Variants in PRR5L observed in about 807,000 individuals in gnomAD.
The protein encoded by PRR5L is proline-rich protein 5-like.
In PRR5L, 21 loss-of-function variants were observed where a neutral mutation model predicts 36.4. The observed-to-expected ratio is 0.58, with a 90% CI of 0.41 to 0.83. PRR5L has a LOEUF of 0.83. Ranked by LOEUF, PRR5L falls within the 40% of genes least tolerant of loss-of-function variation. PRR5L has a pLI of 0.00. For synonymous variants in PRR5L, 188 were observed against 197.0 expected (o/e 0.95, Z 0.38); for missense variants, 381 against 473.3 (o/e 0.80, Z 1.81).
At chr11:36,444,671 T>C (rs950247057) in intron 6 of PRR5L, among the ~76,000 whole-genome samples, 1 of 152,236 alleles carries the variant, frequency 6.6e-6, no homozygotes, top group African/African-American at 2.4e-5. Context: ...CCTTTTGCTT[T>C]GCAGTCTTTC....
intron 1 of PRR5L, among the ~76,000 whole-genome samples, chr11:36,373,128 G>A (rs1240097113): frequency 6.6e-6 from 1 of 152,106 alleles, no homozygotes; most frequent in Admixed American, 6.5e-5. Context: ...CTTAAAGGGG[G>A]CTGCCTCAGG....
chr11:36,406,003 T>C (rs1857902274), intron 3 of PRR5L, among the ~76,000 whole-genome samples: 1 of 152,150 alleles, frequency 6.6e-6, no homozygotes, highest in African/African-American at 2.4e-5. Context: ...CATATAAATT[T>C]TGGGGGGACT....
At chr11:36,351,300 A>ATT (rs1315089087) in intron 1 of PRR5L, among the ~76,000 whole-genome samples, 3,680 of 58,790 alleles carry the variant, frequency 0.063, 316 homozygotes, top group East Asian at 0.42. Flanking sequence ...ATATATTTAT[A>ATT]TATATATTTA....
intron 3 of PRR5L, among the ~76,000 whole-genome samples, chr11:36,417,009 T>C (rs1019770349): frequency 6.6e-6 from 1 of 152,196 alleles, no homozygotes; most frequent in Non-Finnish European, 1.5e-5. Context: ...AGTTTTTTAT[T>C]TTGAAGTCCC....
intron 1 of PRR5L, among the ~76,000 whole-genome samples, chr11:36,385,604 C>G (rs557439053): frequency 6.6e-6 from 1 of 152,372 alleles, no homozygotes; most frequent in South Asian, 2.1e-4. Context: ...TCTCTCTGCA[C>G]TCGGTTTCCA....
intron 1 of PRR5L, among the ~76,000 whole-genome samples, chr11:36,372,422 G>C (rs1857206839): frequency 6.6e-6 from 1 of 152,206 alleles, no homozygotes; most frequent in Non-Finnish European, 1.5e-5. Flanking sequence ...TGGTCTTGAT[G>C]TCCAGTTGTC....
intron 1 of PRR5L, among the ~76,000 whole-genome samples, chr11:36,302,002 GAA>G (rs1287323228): frequency 6.6e-6 from 1 of 152,182 alleles, no homozygotes; most frequent in Non-Finnish European, 1.5e-5. Context: ...GACAGAAAGA[GAA>G]TGTGCAAATA....
At chr11:36,345,370 T>A (rs968446464) in intron 1 of PRR5L, among the ~76,000 whole-genome samples, 3 of 152,024 alleles carry the variant, frequency 2.0e-5, no homozygotes, top group Non-Finnish European at 4.4e-5. Flanking sequence ...ATAGGGAACA[T>A]GATTGCAGTG....
At chr11:36,327,762 G>C (rs1471512663) in intron 1 of PRR5L, among the ~76,000 whole-genome samples, 1 of 152,096 alleles carries the variant, frequency 6.6e-6, no homozygotes, top group Non-Finnish European at 1.5e-5. Flanking sequence ...TTGACTCCAG[G>C]TCTTTAGATA....
At chr11:36,330,136 G>A (rs2133471335) in intron 1 of PRR5L, among the ~76,000 whole-genome samples, 1 of 152,232 alleles carries the variant, frequency 6.6e-6, no homozygotes, top group Middle Eastern at 3.4e-3. Flanking sequence ...CTCAATAAGA[G>A]TTTCTGAATT....
chr11:36,363,582 A>AC (rs970985917), intron 1 of PRR5L, among the ~76,000 whole-genome samples: 4 of 152,010 alleles, frequency 2.6e-5, no homozygotes, highest in African/African-American at 7.2e-5. Flanking sequence ...AGATGAATCA[A>AC]CCCCCGGGCA....
intron 1 of PRR5L, among the ~76,000 whole-genome samples, chr11:36,308,333 A>G (rs1856456640): frequency 6.6e-6 from 1 of 152,298 alleles, no homozygotes; most frequent in Admixed American, 6.5e-5. Context: ...CTTTCTCTCT[A>G]TCTTCAGGCC....
intron 1 of PRR5L, among the ~76,000 whole-genome samples, chr11:36,308,466 G>T (rs1281355563): frequency 6.6e-6 from 1 of 152,184 alleles, no homozygotes; most frequent in African/African-American, 2.4e-5. Flanking sequence ...TCTCTAGCCT[G>T]GAAGAGTGCC....
At chr11:36,365,812 A>G (rs965580813) in intron 1 of PRR5L, among the ~76,000 whole-genome samples, 4 of 152,232 alleles carry the variant, frequency 2.6e-5, no homozygotes, top group African/African-American at 4.8e-5. Context: ...TGTTATTGTC[A>G]GACTAGAACT....
intron 3 of PRR5L, among the ~76,000 whole-genome samples, chr11:36,418,525 G>A (rs181191799): frequency 6.6e-4 from 101 of 152,206 alleles, no homozygotes; most frequent in African/African-American, 2.3e-3. Flanking sequence ...TACTACCCGC[G>A]GTGGCTCACA....
At position 36,394,733 on chromosome 11, in the gene PRR5L, C is replaced by T. The variant is rs539248463; in HGVS notation, c.-125-6264C>T. The stretch of plus-strand genomic sequence containing the variant: ...CCCTTTATAAGGACACATGTGATTG[C>T]GTTTATGGCCCACCTGGATAATCTG... On this transcript the variant is annotated intron_variant, in intron 1 of 8. Transcript: ENST00000530639. Among the ~76,000 whole-genome samples the T allele has an allele frequency of 1.8e-3, 271 of 152,244 alleles. 1 individual carries two copies. The highest frequency in any genetic ancestry group is 2.9e-3 in the Non-Finnish European group (195 of 68,020).
chr11:36,458,486 C>T (rs59735770), intron 8 of PRR5L, among the ~76,000 whole-genome samples: 23,164 of 152,256 alleles, frequency 0.15, 1,960 homozygotes, highest in Non-Finnish European at 0.18. Context: ...TTGTTATTGT[C>T]ACCACCAAAT....
intron 1 of PRR5L, among the ~76,000 whole-genome samples, chr11:36,325,368 C>T (rs915458872): frequency 2.6e-5 from 4 of 152,220 alleles, no homozygotes; most frequent in Non-Finnish European, 5.9e-5. Flanking sequence ...CGGTAGCAAA[C>T]GGCAGTGGTG....
intron 1 of PRR5L, among the ~76,000 whole-genome samples, chr11:36,389,868 C>T (rs189715046): frequency 3.7e-4 from 56 of 152,274 alleles, no homozygotes; most frequent in Non-Finnish European, 6.9e-4. Flanking sequence ...CCGCCTTGGC[C>T]TCCCAAAATG....
Sources: gnomAD v4.1 joint callset for allele counts (sites outside exome capture counted in the v4.1 genomes callset) on GRCh38, gnomAD v4.1.1 for gene constraint, MANE v1.5 for transcripts, NCBI Gene and HGNC (gene_info 2026-07-23, HGNC 2026-07-21) for gene names.